Variants in KLHL13 observed in about 807,000 individuals in gnomAD.
KLHL13 encodes the protein kelch-like protein 13.
In KLHL13, 10 loss-of-function variants were observed where a neutral mutation model predicts 37.1. The observed-to-expected ratio is 0.27, with a 90% CI of 0.17 to 0.46. The LOEUF (loss-of-function observed/expected upper bound fraction) is 0.46, where lower values mean the gene tolerates loss of function less well. Among genes scored for constraint, KLHL13 ranks in the 20% least tolerant of loss-of-function variants. KLHL13 has a pLI of 1.00. For missense variants in KLHL13, 360 were observed against 509.3 expected, an observed-to-expected ratio of 0.71 and a Z score of 2.82; for synonymous variants, 163 against 181.2, an observed-to-expected ratio of 0.90 and a Z score of 0.81.
At chrX:117,935,794 G>A (rs754597226) in intron 2 of KLHL13, among the ~76,000 whole-genome samples, 1 of 110,947 alleles carries the variant, frequency 9.0e-6, no homozygotes, top group Non-Finnish European at 1.9e-5. Context: ...CGAGATTTAG[G>A]TAGGGACACA....
chrX:117,913,085 A>C (rs747684122), intron 4 of KLHL13, among the ~76,000 whole-genome samples: 7 of 112,062 alleles, frequency 6.2e-5, no homozygotes, highest in Non-Finnish European at 1.1e-4. Context: ...TAAAGAAGCA[A>C]AGTCTACAGT....
intron 2 of KLHL13, among the ~76,000 whole-genome samples, chrX:117,926,741 C>G (rs1232655653): frequency 9.2e-6 from 1 of 108,983 alleles, no homozygotes; most frequent in East Asian, 2.9e-4. Flanking sequence ...CAAACTCTCA[C>G]CAAGCTGATG....
intron 1 of KLHL13, among the ~76,000 whole-genome samples, chrX:118,052,824 C>T: frequency 9.5e-6 from 1 of 105,174 alleles, no homozygotes; most frequent in South Asian, 4.1e-4. Context: ...AAGACGCCAT[C>T]TCAAGAAAAA....
intron 6 of KLHL13, among the ~76,000 whole-genome samples, chrX:117,900,593 G>A (rs1395890394): frequency 8.9e-6 from 1 of 111,819 alleles, no homozygotes; most frequent in Non-Finnish European, 1.9e-5. Context: ...TTCTGTAGTT[G>A]CTCATGAATT....
intron 2 of KLHL13, among the ~76,000 whole-genome samples, chrX:117,927,058 G>A (rs775347155): frequency 2.7e-4 from 29 of 107,732 alleles, no homozygotes; most frequent in African/African-American, 8.7e-4. Context: ...GGCGCATGCC[G>A]CCACGCCCGG....
chrX:117,976,295 A>G (rs903010383), upstream of KLHL13, among the ~76,000 whole-genome samples: 1 of 112,308 alleles, frequency 8.9e-6, no homozygotes, highest in Non-Finnish European at 1.9e-5. Context: ...CAAAGTCCTT[A>G]AAAATAATCC....
At chrX:117,942,875 T>C (rs909661793) in intron 2 of KLHL13, among the ~76,000 whole-genome samples, 2 of 111,445 alleles carry the variant, frequency 1.8e-5, no homozygotes, top group Non-Finnish European at 3.8e-5. Context: ...ATTATGATGC[T>C]AGCTAGTTAT....
chrX:118,018,583 G>A (rs1251589007), intron 1 of KLHL13, among the ~76,000 whole-genome samples: 6 of 111,596 alleles, frequency 5.4e-5, no homozygotes, highest in Non-Finnish European at 1.1e-4. Context: ...TATGTAGAAT[G>A]TATAGGACAA....
At position 118,045,254 on chromosome X, in the gene KLHL13, G is replaced by A. The variant is rs769531833; in HGVS notation, c.-56+71254C>T. Among the ~76,000 whole-genome samples, 4 of 108,505 alleles carry A rather than the reference G, an allele frequency of 3.7e-5. No individual in the cohort carries two copies. In the East Asian group the frequency reaches 1.2e-3, roughly 31 times the overall value. 94.2% of individuals were successfully genotyped at this position (108,505 alleles called of 115,157 possible). ...CCGGGCATGGTGGCAGGCGCCTGTA[G>A]TCTCAGTTACTAGGGAGGCTGAGGC... is the stretch of plus-strand genomic sequence containing the variant. On this transcript the variant is annotated intron_variant, in intron 1 of 6. Coordinates refer to the KLHL13 transcript ENST00000371882.
chrX:117,999,629 A>G (rs191319355), intron 1 of KLHL13, among the ~76,000 whole-genome samples: 35 of 110,716 alleles, frequency 3.2e-4, no homozygotes, highest in African/African-American at 1.2e-3. Flanking sequence ...CCAACATGGC[A>G]CATGTATACA....
chrX:117,951,941 G>A (rs891020356), intron 1 of KLHL13, among the ~76,000 whole-genome samples: 3 of 111,964 alleles, frequency 2.7e-5, no homozygotes, highest in African/African-American at 9.7e-5. Flanking sequence ...ATGTTCATGG[G>A]TAGGAAGAAA....
chrX:117,916,406 C>T (rs1414138977), intron 4 of KLHL13, among the ~76,000 whole-genome samples: 1 of 111,560 alleles, frequency 9.0e-6, no homozygotes, highest in African/African-American at 3.3e-5. Context: ...TCCTCTTTTC[C>T]ATAACTCCAA....
At chrX:118,095,102 G>C (rs2055187262) in intron 1 of KLHL13, among the ~76,000 whole-genome samples, 1 of 111,581 alleles carries the variant, frequency 9.0e-6, no homozygotes, top group Non-Finnish European at 1.9e-5. Flanking sequence ...TGGCAAATTG[G>C]ATAAAGAGTC....
At chrX:117,911,507 G>A (rs949773053) in intron 4 of KLHL13, among the ~76,000 whole-genome samples, 1 of 110,559 alleles carries the variant, frequency 9.0e-6, no homozygotes, top group Non-Finnish European at 1.9e-5. Context: ...CTATCAACCC[G>A]TCATCTACAT....
chrX:118,081,329 T>C (rs1247361576), intron 1 of KLHL13, among the ~76,000 whole-genome samples: 1 of 111,857 alleles, frequency 8.9e-6, no homozygotes, highest in Admixed American at 9.5e-5. Flanking sequence ...ACATCAGATA[T>C]GTCAAGGGGG....
intron 1 of KLHL13, among the ~76,000 whole-genome samples, chrX:117,987,676 ATCTT>A (rs1456247853): frequency 4.5e-5 from 5 of 112,341 alleles, no homozygotes; most frequent in Non-Finnish European, 9.4e-5. Flanking sequence ...AACAATAAAA[ATCTT>A]TCCATCTTAG....
intron 2 of KLHL13, among the ~76,000 whole-genome samples, chrX:117,922,759 A>C (rs1931790073): frequency 8.9e-6 from 1 of 111,980 alleles, no homozygotes; most frequent in South Asian, 3.7e-4. Flanking sequence ...CAGGTTTAAA[A>C]AATTAAATAT....
intron 1 of KLHL13, among the ~76,000 whole-genome samples, chrX:118,061,375 C>G (rs939496284): frequency 2.7e-5 from 3 of 110,675 alleles, no homozygotes; most frequent in African/African-American, 9.8e-5. Context: ...AGAATGGCCT[C>G]ATTTCCCAGA....
intron 4 of KLHL13, among the ~76,000 whole-genome samples, chrX:117,916,958 A>G (rs748572423): frequency 8.9e-6 from 1 of 112,140 alleles, no homozygotes; most frequent in East Asian, 2.8e-4. Flanking sequence ...TAAAAAATAT[A>G]GTATCTTGAG....
Sources: allele counts gnomAD v4.1 joint callset (sites outside exome capture counted in the v4.1 genomes callset), GRCh38; gene constraint gnomAD v4.1.1; transcripts MANE v1.5; gene names NCBI Gene and HGNC (gene_info 2026-07-23, HGNC 2026-07-21).